Variants in FNDC3B observed in about 807,000 individuals in gnomAD.
FNDC3B encodes the protein fibronectin type III domain-containing protein 3B.
A neutral mutation model predicts 151.5 loss-of-function variants in FNDC3B; 12 were observed. The ratio of observed to expected loss-of-function variants is 0.08; its 90% confidence interval spans 0.05 to 0.13. The LOEUF (loss-of-function observed/expected upper bound fraction) is 0.13. FNDC3B is among the 10% of genes least tolerant of loss of function. The pLI, the probability that FNDC3B is intolerant of heterozygous loss-of-function variation, is 1.00. For missense variants in FNDC3B, 1,214 were observed against 1,505.3 expected (o/e 0.81, Z 3.20); for synonymous variants, 528 against 549.0 (o/e 0.96, Z 0.54).
chr3:172,128,974 G>A (rs1720936956), intron 2 of FNDC3B, among the ~76,000 whole-genome samples: 2 of 152,094 alleles, frequency 1.3e-5, no homozygotes, highest in African/African-American at 4.8e-5. Context: ...CTCCCAGGAG[G>A]AGCTTTTTTT....
chr3:172,194,033 A>C (rs1372417201), intron 3 of FNDC3B, among the ~76,000 whole-genome samples: 1 of 152,038 alleles, frequency 6.6e-6, no homozygotes, highest in African/African-American at 2.4e-5. Context: ...ATCCTGGCTA[A>C]CACAGTGAAA....
intron 1 of FNDC3B, among the ~76,000 whole-genome samples, chr3:172,108,482 G>A (rs1719789316): frequency 6.6e-6 from 1 of 152,172 alleles, no homozygotes; most frequent in Admixed American, 6.5e-5. Flanking sequence ...CTTTCATCAG[G>A]TAGGTATTCC....
chr3:172,363,675 G>A (rs1348302593), intron 23 of FNDC3B, among the ~76,000 whole-genome samples: 1 of 152,158 alleles, frequency 6.6e-6, no homozygotes, highest in Non-Finnish European at 1.5e-5. Flanking sequence ...TTTTATGCAT[G>A]ATACTATTCT....
At chr3:172,103,746 T>C (rs976322872) in intron 1 of FNDC3B, among the ~76,000 whole-genome samples, 1 of 152,220 alleles carries the variant, frequency 6.6e-6, no homozygotes, top group Non-Finnish European at 1.5e-5. Context: ...ATGCTTATAA[T>C]TGGATGTAAA....
At position 172,346,411 on chromosome 3, in the gene FNDC3B, C is replaced by G. The variant is rs775907836; in HGVS notation, c.2335C>G (p.Pro779Ala). Residue 779 changes from proline to alanine, a missense_variant, in exon 20 of 26, where the codon CCT (proline) becomes GCT (alanine). Around this residue, in one of 7 missense-constraint regions of FNDC3B, gnomAD observed 380 missense variants for 420.9 expected, o/e 0.90. Transcript: ENST00000415807. Reference sequence around the variant, plus strand: ...CAAAGCACCTTGTATTTCTTGTACACCTGATGGATGTGTCTTAGTGGGTTG... The same window carrying G: ...CAAAGCACCTTGTATTTCTTGTACAGCTGATGGATGTGTCTTAGTGGGTTG... ...QCKAPCISCT[P>A]DGCVLVGWES... 4 of 1,612,902 alleles carry G rather than the reference C, an allele frequency of 2.5e-6. No homozygotes were observed.
At chr3:172,370,848 AC>A (rs1415920812) in intron 23 of FNDC3B, among the ~76,000 whole-genome samples, 1 of 152,176 alleles carries the variant, frequency 6.6e-6, no homozygotes, top group Non-Finnish European at 1.5e-5. Context: ...GTACAAAGAT[AC>A]CCCTTATCCC....
intron 8 of FNDC3B, among the ~76,000 whole-genome samples, chr3:172,297,906 C>G (rs1329989287): frequency 2.0e-5 from 3 of 152,100 alleles, no homozygotes; most frequent in Non-Finnish European, 2.9e-5. Flanking sequence ...ATACTTTTAT[C>G]TGTTGTCTAT....
chr3:172,369,112 A>G (rs991335738), intron 23 of FNDC3B, among the ~76,000 whole-genome samples: 2 of 152,242 alleles, frequency 1.3e-5, no homozygotes, highest in African/African-American at 4.8e-5. Context: ...ATATCCAGGC[A>G]CAGACAGAGG....
intron 11 of FNDC3B, chr3:172,317,161 T>C (rs1488934461): frequency 2.2e-6 from 1 of 446,682 alleles, no homozygotes; most frequent in Admixed American, 2.5e-5. Context: ...CATGTTGCAT[T>C]GGGGATTAAT....
intron 3 of FNDC3B, among the ~76,000 whole-genome samples, chr3:172,160,257 G>C (rs73880114): frequency 0.014 from 2,066 of 152,308 alleles, 54 homozygotes; most frequent in African/African-American, 0.047. Context: ...GACTGAAATA[G>C]GCTGTGCTCA....
chr3:172,382,145 T>A (rs1320246157), intron 25 of FNDC3B, among the ~76,000 whole-genome samples: 1 of 152,268 alleles, frequency 6.6e-6, no homozygotes, highest in Non-Finnish European at 1.5e-5. Context: ...GTTTCCTGAC[T>A]TTTTAAATGA....
intron 5 of FNDC3B, among the ~76,000 whole-genome samples, chr3:172,250,309 T>G (rs1381238630): frequency 6.6e-6 from 1 of 152,220 alleles, no homozygotes; most frequent in Non-Finnish European, 1.5e-5. Flanking sequence ...CTTATTATGT[T>G]TGGCACCAGA....
intron 2 of FNDC3B, among the ~76,000 whole-genome samples, chr3:172,125,363 AGGGAAT>A (rs1201401713): frequency 6.6e-6 from 1 of 151,496 alleles, no homozygotes; most frequent in East Asian, 1.9e-4. Flanking sequence ...TTTTTTCCTT[AGGGAAT>A]GGTTCTTTTC....
intron 6 of FNDC3B, among the ~76,000 whole-genome samples, chr3:172,277,181 A>G (rs1161143077): frequency 1.3e-5 from 2 of 152,190 alleles, no homozygotes; most frequent in East Asian, 3.8e-4. Flanking sequence ...GAGCATGCAA[A>G]TGTAGCAAAA....
intron 3 of FNDC3B, among the ~76,000 whole-genome samples, chr3:172,193,488 CTT>C (rs894464137): frequency 1.3e-5 from 2 of 150,348 alleles, no homozygotes; most frequent in Admixed American, 6.7e-5. Flanking sequence ...CTTTGAGTGA[CTT>C]TTTGTTTTGG....
At chr3:172,172,783 A>T (rs890819117) in intron 3 of FNDC3B, among the ~76,000 whole-genome samples, 2 of 152,018 alleles carry the variant, frequency 1.3e-5, no homozygotes, top group Non-Finnish European at 2.9e-5. Context: ...CACTTGTTCT[A>T]TTAAGTCATG....
intron 3 of FNDC3B, among the ~76,000 whole-genome samples, chr3:172,135,644 G>A (rs1454153910): frequency 2.0e-5 from 3 of 152,120 alleles, no homozygotes; most frequent in Non-Finnish European, 4.4e-5. Context: ...ATGGAATGAG[G>A]ACTAGGACCT....
chr3:172,295,810 A>G (rs1326259366), intron 8 of FNDC3B, among the ~76,000 whole-genome samples: 1 of 152,164 alleles, frequency 6.6e-6, no homozygotes, highest in African/African-American at 2.4e-5. Context: ...GGCGATTATG[A>G]CTTTTAGTTT....
Position 172,091,955 on chromosome 3 carries a change from A to T in FNDC3B, c.-28-20497A>T, listed in dbSNP as rs181389378. On this transcript the variant is annotated intron_variant, in intron 1 of 25. Transcript: ENST00000415807. ...GGAGTGCTGTAACAGATGGCTTTAG[A>T]TTGCCTCAAATAGGGTTGTAAATTT... Among the ~76,000 whole-genome samples, 4 of 149,986 alleles carry T rather than the reference A, an allele frequency of 2.7e-5. No homozygotes were observed. In the Admixed American group the frequency reaches 2.7e-4, roughly 10 times the overall value.
Sources: gnomAD v4.1 joint callset for allele counts (sites outside exome capture counted in the v4.1 genomes callset) on GRCh38, gnomAD v4.1.1 for gene constraint, gnomAD v4.1.1 regional missense constraint, MANE v1.5 for transcripts, NCBI Gene and HGNC (gene_info 2026-07-23, HGNC 2026-07-21) for gene names.